The following BTAF1 variants were observed in gnomAD, a reference collection of about 807,000 sequenced individuals.
BTAF1 encodes B-TFIID TATA-box binding protein associated factor 1.
BTAF1 carries 38 observed loss-of-function variants against 227.1 expected under a neutral mutation model. The ratio of observed to expected loss-of-function variants is 0.17; its 90% CI spans 0.13 to 0.22. The LOEUF (loss-of-function observed/expected upper bound fraction) is 0.22. BTAF1 is among the 10% of genes least tolerant of loss of function. BTAF1 has a pLI of 1.00. For synonymous variants in BTAF1, 742 were observed against 751.9 expected (o/e 0.99, Z 0.21); for missense variants, 1,598 against 2,204.0 (o/e 0.73, Z 5.51).
intron 6 of BTAF1, among the ~76,000 whole-genome samples, 197 bp from the exon 7 acceptor site, chr10:91,956,330 CA>C: frequency 6.6e-6 from 1 of 152,128 alleles, no homozygotes; most frequent in East Asian, 1.9e-4. Context: ...ATATTTTGCT[CA>C]AAAAATTTTA....
Position 91,972,064 on chromosome 10 carries a change from C to T in BTAF1, c.1650+5307C>T, listed in dbSNP as rs1394944100. Among the ~76,000 whole-genome samples, 9 of 152,060 alleles carry T rather than the reference C, an allele frequency of 5.9e-5. No individual in the cohort carries two copies. In the South Asian group the frequency reaches 6.2e-4, roughly 10 times the overall value. ...TATGCTCCTTAAAGTTTGGAATTTT[C>T]GTTTCTACATGGTCATAGCATTTCT... On this transcript the variant is annotated intron_variant, in intron 14 of 37. Coordinates refer to ENST00000265990, the MANE Select transcript of BTAF1 (RefSeq NM_003972.3).
At chr10:91,982,879 C>A in intron 18 of BTAF1, 118 bp downstream of exon 18, 1 of 1,089,982 alleles carries the variant, frequency 9.2e-7, no homozygotes, top group Non-Finnish European at 1.3e-6. Flanking sequence ...CCAAGAGTTA[C>A]AGAAAAGTGT....
At chr10:91,991,270 A>AT (rs1564699904) in intron 20 of BTAF1, among the ~76,000 whole-genome samples, 6,346 of 82,154 alleles carry the variant, frequency 0.077, 632 homozygotes, top group South Asian at 0.13. Context: ...ATATAAATAT[A>AT]AATATATATA....
rs1213334899 is a variant in BTAF1 at position 92,028,831 on chromosome 10, A to G, written c.5448A>G (p.Lys1816=). 5 of 1,609,888 alleles carry G rather than the reference A, an allele frequency of 3.1e-6. No homozygotes were observed. In the East Asian group the frequency reaches 1.1e-4, roughly 36 times the overall value. Residue 1816 remains lysine (K), a synonymous_variant, in exon 38 of 38, where the codon AAA becomes AAG. Coordinates refer to ENST00000265990, the MANE Select transcript of BTAF1 (RefSeq NM_003972.3). ...AEKADTSTSG[K]ASMKSILENL... ...AAGCTGACACCTCTACTTCTGGGAA[A>G]GCAAGTATGAAATCAATTCTTGAAA...
chr10:92,018,762 A>G, intron 33 of BTAF1, 21 bp from the exon 34 acceptor site: 1 of 1,465,074 alleles, frequency 6.8e-7, no homozygotes, highest in Non-Finnish European at 9.1e-7. Flanking sequence ...ACTCATATAT[A>G]CTTTTTTTTT....
chr10:91,950,668 G>C (rs1845711567), intron 4 of BTAF1, among the ~76,000 whole-genome samples: 1 of 152,072 alleles, frequency 6.6e-6, no homozygotes, highest in African/African-American at 2.4e-5. Flanking sequence ...TATTAGGGCT[G>C]TATCAGCTCA....
chr10:91,977,714 C>G (rs886152948), intron 14 of BTAF1, among the ~76,000 whole-genome samples: 6 of 152,162 alleles, frequency 3.9e-5, no homozygotes, highest in Admixed American at 3.3e-4. Context: ...GATTCATATC[C>G]TGGCCAGCAT....
intron 25 of BTAF1, among the ~76,000 whole-genome samples, chr10:92,003,956 C>G (rs1029694598): frequency 6.6e-6 from 1 of 152,106 alleles, no homozygotes; most frequent in African/African-American, 2.4e-5. Context: ...GAGGTAATAT[C>G]TCATACCAGT....
At chr10:91,994,168 G>A (rs1848987376) in intron 22 of BTAF1, among the ~76,000 whole-genome samples, 2 of 152,012 alleles carry the variant, frequency 1.3e-5, no homozygotes, top group South Asian at 4.1e-4. Flanking sequence ...ACAAAAATTA[G>A]CTGGGCGTGT....
At chr10:91,926,825 T>A (rs1176069979) in intron 1 of BTAF1, among the ~76,000 whole-genome samples, 2 of 152,248 alleles carry the variant, frequency 1.3e-5, no homozygotes, top group Admixed American at 1.3e-4. Context: ...TCATATTATT[T>A]ACTGATTTGA....
chr10:91,953,023 G>C (rs987676086), intron 5 of BTAF1, among the ~76,000 whole-genome samples: 4 of 152,180 alleles, frequency 2.6e-5, no homozygotes, highest in African/African-American at 9.7e-5. Flanking sequence ...GGGGGAAGTT[G>C]CTTGAGGTTC....
intron 34 of BTAF1, among the ~76,000 whole-genome samples, chr10:92,023,652 C>G (rs944257430): frequency 6.6e-6 from 1 of 152,270 alleles, no homozygotes; most frequent in South Asian, 2.1e-4. Flanking sequence ...CCACTGCACT[C>G]CAGCCTGGGT....
At chr10:91,956,138 T>C (rs938733198) in intron 6 of BTAF1, among the ~76,000 whole-genome samples, 4 of 152,194 alleles carry the variant, frequency 2.6e-5, no homozygotes, top group Admixed American at 2.6e-4. Context: ...TTGCTCAGTA[T>C]ATTAGTTTTC....
At chr10:92,005,862 T>C (rs1849842724) in intron 25 of BTAF1, among the ~76,000 whole-genome samples, 2 of 151,960 alleles carry the variant, frequency 1.3e-5, no homozygotes, top group African/African-American at 4.8e-5. Context: ...GTTTATGTTT[T>C]TGTTTTTTGG....
chr10:92,028,345 A>G (rs1268769778), intron 37 of BTAF1, among the ~76,000 whole-genome samples: 2 of 152,202 alleles, frequency 1.3e-5, no homozygotes, highest in African/African-American at 4.8e-5. Flanking sequence ...GAACATTTTA[A>G]TATCAGTGTT....
At chr10:91,962,510 T>A (rs769316673) in intron 11 of BTAF1, 28 bp from the exon 12 acceptor site, 28 of 1,439,356 alleles carry the variant, frequency 1.9e-5, no homozygotes, top group Non-Finnish European at 2.4e-5. Flanking sequence ...AATAGAAAAT[T>A]AATTTATTTT....
At position 91,982,166 on chromosome 10, in the gene BTAF1, C is replaced by A. The variant is rs1011283753; in HGVS notation, c.1989C>A (p.Ile663=). 8.7e-6 allele frequency: 14 copies of A among 1,613,984 alleles called. No homozygotes were observed. The African/African-American group carries it at 1.7e-4, about 20-fold the overall frequency. Residue 663 remains isoleucine, a synonymous_variant, in exon 17 of 38, where the codon ATC becomes ATA. Coordinates refer to ENST00000265990, the MANE Select transcript of BTAF1 (RefSeq NM_003972.3). ...AGTATATTGCAGGTGCCGACACCATCATGGAAGACCCAGCCACCAGGGATT... is the reference window on the plus strand; with the variant it reads ...AGTATATTGCAGGTGCCGACACCATAATGGAAGACCCAGCCACCAGGGATT... ...LQEYIAGADT[I]MEDPATRDFV...
In BTAF1 at chr10:91,935,666, C is replaced by G. The variant is rs1414292242; in HGVS notation, c.24C>G (p.Arg8=). The G allele has an allele frequency of 6.2e-7, 1 of 1,612,212 alleles. No individual in the cohort carries two copies. Among genetic ancestry groups the G allele is most frequent in the Non-Finnish European group, 8.5e-7 (1 of 1,179,262 alleles). Residue 8 remains arginine, a synonymous_variant, in exon 2 of 38, where the codon CGC becomes CGG. Coordinates refer to ENST00000265990, the MANE Select transcript of BTAF1 (RefSeq NM_003972.3). Reference sequence around the variant, plus strand: ...ATTTTTGTTATTTCAGGCTAGATCGCCTTTTTATTTTACTGGATACTGGCA... The same window carrying G: ...ATTTTTGTTATTTCAGGCTAGATCGGCTTTTTATTTTACTGGATACTGGCA... MAVSRLD[R]LFILLDTGTT...
rs749404938 is a variant in BTAF1 at position 92,028,881 on chromosome 10, A to G, written c.5498A>G (p.Glu1833Gly). Residue 1833 changes from glutamate to glycine, a missense_variant, in exon 38 of 38, where the codon GAG (glutamate) becomes GGG (glycine). This residue lies in a region of BTAF1 where 79 missense variants were observed against 97.9 expected (regional missense o/e 0.81). Transcript: ENST00000265990. ...LENLSDLWDQ[E>G]QYDSEYSLEN... The stretch of plus-strand genomic sequence containing the variant: ...AACCTGAGTGATCTTTGGGATCAAG[A>G]GCAGTATGATTCAGAGTACAGCCTG... 1 of 1,608,646 alleles carries G rather than the reference A, an allele frequency of 6.2e-7. No individual in the cohort carries two copies. Among genetic ancestry groups the G allele is most frequent in the South Asian group, 1.1e-5 (1 of 89,520 alleles).
Sources: allele counts gnomAD v4.1 joint callset (sites outside exome capture counted in the v4.1 genomes callset), GRCh38; gene constraint gnomAD v4.1.1; regional missense constraint gnomAD v4.1.1; transcripts MANE v1.5; gene names NCBI Gene and HGNC (gene_info 2026-07-23, HGNC 2026-07-21).